Variants in DIS3L2 observed in about 807,000 individuals in gnomAD.
DIS3L2 encodes the protein DIS3-like exonuclease 2.
DIS3L2 carries 34 observed loss-of-function variants against 97.5 expected under a neutral mutation model. The ratio of observed to expected loss-of-function variants is 0.35; its 90% CI spans 0.27 to 0.46. DIS3L2 has a LOEUF of 0.46. Among genes scored for constraint, DIS3L2 ranks in the 20% least tolerant of loss-of-function variants. The pLI is 1.00. For synonymous variants in DIS3L2, 435 were observed against 445.2 expected (o/e 0.98, Z 0.29); for missense variants, 1,038 against 1,146.0 (o/e 0.91, Z 1.36).
chr2:231,996,584 G>T (rs1693738063), intron 1 of DIS3L2, among the ~76,000 whole-genome samples: 1 of 152,210 alleles, frequency 6.6e-6, no homozygotes, highest in Admixed American at 6.5e-5. Context: ...TGCATTGAGA[G>T]AATAGTGCAT....
At chr2:232,216,549 G>A (rs943865531) in intron 10 of DIS3L2, among the ~76,000 whole-genome samples, 4 of 151,618 alleles carry the variant, frequency 2.6e-5, no homozygotes, top group Admixed American at 1.3e-4. Context: ...TAGCCATTCT[G>A]CCTCTGATTC....
At chr2:232,306,842 C>G (rs1694997606) in intron 14 of DIS3L2, among the ~76,000 whole-genome samples, 1 of 152,262 alleles carries the variant, frequency 6.6e-6, no homozygotes, top group Admixed American at 6.5e-5. Flanking sequence ...CCCATCCTGT[C>G]TTCCTGCCCT....
intron 1 of DIS3L2, among the ~76,000 whole-genome samples, chr2:232,000,266 A>G (rs918705896): frequency 2.0e-5 from 3 of 152,154 alleles, no homozygotes; most frequent in African/African-American, 7.2e-5. Flanking sequence ...TTTTGATCTG[A>G]ATTCACAGAC....
chr2:232,162,010 A>G (rs1406695308), intron 8 of DIS3L2, among the ~76,000 whole-genome samples: 1 of 152,078 alleles, frequency 6.6e-6, no homozygotes, highest in Admixed American at 6.5e-5. Context: ...TGACCTTGTG[A>G]TCCGCCTGCC....
chr2:232,205,392 T>C (rs116754552), intron 9 of DIS3L2, among the ~76,000 whole-genome samples: 16,196 of 151,806 alleles, frequency 0.11, 1,072 homozygotes, highest in African/African-American at 0.19. Flanking sequence ...CTGGAAGTAA[T>C]AGTAGACTAC....
intron 4 of DIS3L2, among the ~76,000 whole-genome samples, chr2:232,025,717 A>G (rs1033650139): frequency 2.0e-5 from 3 of 152,188 alleles, no homozygotes; most frequent in Non-Finnish European, 4.4e-5. Flanking sequence ...TTTGCTCATA[A>G]GCTTAAATTT....
At chr2:232,235,596 A>G (rs1435336073) in intron 10 of DIS3L2, among the ~76,000 whole-genome samples, 4 of 152,314 alleles carry the variant, frequency 2.6e-5, no homozygotes, top group African/African-American at 7.2e-5. Context: ...CAGTTTGTCA[A>G]TTTTGACTAA....
At chr2:232,221,204 C>T (rs1168691258) in intron 10 of DIS3L2, among the ~76,000 whole-genome samples, 3 of 151,306 alleles carry the variant, frequency 2.0e-5, no homozygotes, top group Admixed American at 2.0e-4. Flanking sequence ...GACCGGAATT[C>T]AGAAATCAGG....
intron 5 of DIS3L2, among the ~76,000 whole-genome samples, chr2:232,082,172 C>G (rs919200218): frequency 6.6e-6 from 1 of 152,208 alleles, no homozygotes; most frequent in Non-Finnish European, 1.5e-5. Flanking sequence ...TCATAATGAT[C>G]TTTTCCCCCC....
chr2:232,025,368 T>C (rs1380154437), intron 4 of DIS3L2, among the ~76,000 whole-genome samples: 1 of 152,164 alleles, frequency 6.6e-6, no homozygotes, highest in Non-Finnish European at 1.5e-5. Context: ...TTTTATATGC[T>C]CAAGTGATAT....
intron 1 of DIS3L2, among the ~76,000 whole-genome samples, chr2:232,006,307 TC>T (rs1694051347): frequency 6.6e-6 from 1 of 152,248 alleles, no homozygotes; most frequent in African/African-American, 2.4e-5. Flanking sequence ...ACTATTGCCA[TC>T]TTTATGGTAC....
intron 10 of DIS3L2, among the ~76,000 whole-genome samples, chr2:232,217,131 G>A (rs376218650): frequency 1.4e-4 from 21 of 152,264 alleles, no homozygotes; most frequent in South Asian, 4.2e-4. Flanking sequence ...GTGAGCCACC[G>A]CGCCTGGCCA....
rs753115829 is a variant in DIS3L2 at position 232,136,640 on chromosome 2, G to C, written c.871G>C (p.Ala291Pro). ...PLKDCPQDFV[A>P]RPKDYANTLF... ...CAAGGACTGTCCCCAGGACTTTGTG[G>C]CACGGCCTAAAGATTATGCCAACAC... is the stretch of plus-strand genomic sequence containing the variant. The change falls in exon 8 of 21, where the codon GCA (alanine) becomes CCA (proline). Residue 291 changes from alanine (A) to proline (P), a missense_variant. Ala to Pro is a conservative substitution (Grantham distance 27). This residue lies in a region of DIS3L2 where 813 missense variants were observed against 880.1 expected (regional missense o/e 0.92). Transcript: ENST00000325385. The C allele has an allele frequency of 1.7e-5, 28 of 1,613,868 alleles. No homozygotes were observed. In the East Asian group the frequency reaches 5.1e-4, roughly 30 times the overall value.
At chr2:231,973,199 A>T (rs1438805406) in intron 1 of DIS3L2, among the ~76,000 whole-genome samples, 1 of 152,178 alleles carries the variant, frequency 6.6e-6, no homozygotes, top group African/African-American at 2.4e-5. Flanking sequence ...CCTTTTTGCC[A>T]TATAAGGCTA....
intron 15 of DIS3L2, 92 bp from the exon 16 acceptor site, chr2:232,330,598 G>A: frequency 7.4e-7 from 1 of 1,353,644 alleles, no homozygotes. Flanking sequence ...TCCCCCCAGA[G>A]CCGGGCATGA....
chr2:232,244,942 T>C (rs1693209071), intron 11 of DIS3L2, among the ~76,000 whole-genome samples: 1 of 152,172 alleles, frequency 6.6e-6, no homozygotes, highest in Non-Finnish European at 1.5e-5. Context: ...AGTGAGGACT[T>C]GCAGAAGTAG....
intron 8 of DIS3L2, among the ~76,000 whole-genome samples, chr2:232,159,380 A>C (rs1690587536): frequency 1.3e-5 from 2 of 152,204 alleles, no homozygotes; most frequent in Non-Finnish European, 2.9e-5. Flanking sequence ...GTGAATCCTA[A>C]GCAGCCTTTT....
At chr2:232,280,739 A>G (rs576493644) in intron 13 of DIS3L2, among the ~76,000 whole-genome samples, 2 of 152,348 alleles carry the variant, frequency 1.3e-5, no homozygotes, top group East Asian at 3.9e-4. Flanking sequence ...GCCAAGCTAC[A>G]TAGAGGCCCT....
intron 9 of DIS3L2, among the ~76,000 whole-genome samples, chr2:232,200,865 A>G (rs893463542): frequency 6.6e-6 from 1 of 150,694 alleles, no homozygotes; most frequent in Admixed American, 6.6e-5. Context: ...CTCACTGCAA[A>G]CTCCGCCTCC....
Sources: gnomAD v4.1 joint callset for allele counts (sites outside exome capture counted in the v4.1 genomes callset) on GRCh38, gnomAD v4.1.1 for gene constraint, gnomAD v4.1.1 regional missense constraint, MANE v1.5 for transcripts, NCBI Gene and HGNC (gene_info 2026-07-23, HGNC 2026-07-21) for gene names.